A3GALT2: variants seen among roughly 807,000 people sequenced by gnomAD.
A3GALT2 encodes alpha 1,3-galactosyltransferase 2.
A neutral mutation model predicts 16.6 loss-of-function variants in A3GALT2; 14 were observed. The observed-to-expected ratio is 0.84, with a 90% CI of 0.56 to 1.32. A3GALT2 has a LOEUF of 1.32. Ranked by LOEUF, A3GALT2 falls within the 40% of genes most tolerant of loss-of-function variation. The probability of loss-of-function intolerance (pLI) is 0.00; values close to 1 mark genes in which losing one functional copy is unlikely to be tolerated. For synonymous variants in A3GALT2, 253 were observed against 218.0 expected, an observed-to-expected ratio of 1.16 and a Z score of -1.42; for missense variants, 600 against 490.9, an observed-to-expected ratio of 1.22 and a Z score of -2.10.
intron 4 of A3GALT2, among the ~76,000 whole-genome samples, chr1:33,310,557 C>CTATG (rs1646228735): frequency 6.6e-6 from 1 of 152,194 alleles, no homozygotes; most frequent in Non-Finnish European, 1.5e-5. Flanking sequence ...CCACTGCTTT[C>CTATG]TATGTCAATG....
intron 4 of A3GALT2, among the ~76,000 whole-genome samples, chr1:33,310,240 C>A (rs997799920): frequency 2.6e-5 from 4 of 152,064 alleles, no homozygotes; most frequent in African/African-American, 7.3e-5. Context: ...TGCAGTGAGC[C>A]GAGATGGCGG....
At chr1:33,308,460 C>T (rs530240600) in intron 4 of A3GALT2, among the ~76,000 whole-genome samples, 18 of 152,292 alleles carry the variant, frequency 1.2e-4, no homozygotes, top group Non-Finnish European at 1.9e-4. Context: ...GGCTGGAGTA[C>T]AGTGGCGCTA....
chr1:33,308,750 G>GTTTTGTTTTTTTTTTTT (rs1646216319), intron 4 of A3GALT2, among the ~76,000 whole-genome samples: 1 of 46,130 alleles, frequency 2.2e-5, no homozygotes, highest in African/African-American at 1.2e-4. Context: ...TGTCAAAGTT[G>GTTTTGTTTTTTTTTTTT]TTTTTTTTTT....
chr1:33,319,352 T>C (rs1646275265), intron 1 of A3GALT2, among the ~76,000 whole-genome samples: 1 of 152,150 alleles, frequency 6.6e-6, no homozygotes, highest in African/African-American at 2.4e-5. Context: ...GCAAGGGGGC[T>C]GGGCCAGGGT....
At chr1:33,318,131 A>C (rs554989249) in intron 1 of A3GALT2, among the ~76,000 whole-genome samples, 5 of 152,238 alleles carry the variant, frequency 3.3e-5, no homozygotes, top group Non-Finnish European at 7.3e-5. Context: ...GAGCCTTTGC[A>C]GTCACGTATA....
At position 33,312,150 on chromosome 1, in the gene A3GALT2, A is replaced by T. The variant is rs1423219561; in HGVS notation, c.237T>A (p.Ala79=). 6.2e-7 allele frequency: 1 copy of T among 1,613,384 alleles called. No individual in the cohort carries two copies. Among genetic ancestry groups the T allele is most frequent in the Non-Finnish European group, 8.5e-7 (1 of 1,179,818 alleles). Residue 79 remains alanine, a synonymous_variant, in exon 4 of 5, where the codon GCT becomes GCA. Coordinates refer to ENST00000442999, the MANE Select transcript of A3GALT2 (RefSeq NM_001080438.1). The stretch of plus-strand genomic sequence containing the variant: ...CGAAAGAGCCATCCCAAATAATGGG[A>T]GCCCCCCAGGGGGTACAGGTCAGAA... The part of the protein sequence containing the change: ...PEVLTCTPWG[A]PIIWDGSFDP...
rs545688298 is a variant in A3GALT2, at chr1:33,307,279, T to C, written c.510A>G (p.Gln170=). 327 of 1,428,464 alleles carry C rather than the reference T, an allele frequency of 2.3e-4. 2 individuals are homozygous for C. In the African/African-American group the frequency reaches 3.8e-3, roughly 17 times the overall value. 88.5% of individuals were successfully genotyped at this position (1,428,464 alleles called of 1,614,324 possible). The change falls in exon 5 of 5, where the codon CAA becomes CAG. Residue 170 remains glutamine, a synonymous_variant. Transcript: ENST00000442999. ...VERVARERRW[Q]DVSMARMRTL... ...TGCGCATGCGCGCCATCGACACGTC[T>C]TGCCAGCGCCGCTCGCGCGCCACGC... is the stretch of plus-strand genomic sequence containing the variant.
intron 4 of A3GALT2, among the ~76,000 whole-genome samples, chr1:33,308,756 T>G (rs977345046): frequency 5.2e-5 from 5 of 95,384 alleles, no homozygotes; most frequent in Admixed American, 2.7e-4. Context: ...AGTTGTTTTT[T>G]TTTTTTTTTT....
chr1:33,306,848 C>T lies in A3GALT2; in HGVS notation c.941G>A (p.Ser314Asn). ...CTCGGCCCGCGGGCCGATGTCCGGG[C>T]TCCAGCAGAACTCGGGCGACAGCAC... is the stretch of plus-strand genomic sequence containing the variant. The part of the protein sequence containing the change: ...AKVLSPEFCW[S>N]PDIGPRAEIR... Residue 314 changes from serine (S) to asparagine (N), a missense_variant, in exon 5 of 5, where the codon AGC (serine) becomes AAC (asparagine). Transcript: ENST00000442999. 1 of 1,509,770 alleles carries T rather than the reference C, an allele frequency of 6.6e-7. No homozygotes were observed. Among genetic ancestry groups the T allele is most frequent in the Non-Finnish European group, 8.8e-7 (1 of 1,135,294 alleles). 93.5% of individuals were successfully genotyped at this position (1,509,770 alleles called of 1,614,324 possible). A position where few individuals can be genotyped will look rare whatever the true frequency, so the allele number is the denominator to read the frequency against.
chr1:33,312,554 A>C lies in A3GALT2; in HGVS notation c.144T>G (p.Pro48=). 6.2e-7 allele frequency: 1 copy of C among 1,602,174 alleles called. No individual in the cohort carries two copies. Among genetic ancestry groups the C allele is most frequent in the Non-Finnish European group, 8.5e-7 (1 of 1,173,730 alleles). The change falls in exon 3 of 5, where the codon CCT becomes CCG. Residue 48 remains proline, a synonymous_variant. Coordinates refer to ENST00000442999, the MANE Select transcript of A3GALT2 (RefSeq NM_001080438.1). ...LEALIPMGVC[P]SATMSQLRDN... ...CTCTCAGCTGGGACATTGTGGCCGA[A>C]GGGCAGACGCCCATGGGGATGAGGG...
Position 33,307,229 on chromosome 1 carries a change from A to G in A3GALT2, c.560T>C (p.Leu187Pro), listed in dbSNP as rs1646198998. The G allele has an allele frequency of 6.7e-7, 1 of 1,493,260 alleles. No individual in the cohort carries two copies. 92.5% of individuals were successfully genotyped at this position (1,493,260 alleles called of 1,614,324 possible). The change falls in exon 5 of 5, where the codon CTG becomes CCG. Residue 187 changes from leucine (L) to proline (P), a missense_variant. Coordinates refer to ENST00000442999, the MANE Select transcript of A3GALT2 (RefSeq NM_001080438.1). The stretch of plus-strand genomic sequence containing the variant: ...CATGAAGTGCGCCTCGCGGCCCGGC[A>G]GCCCGCCCAGCGCCGCGTGCAACGT... The part of the protein sequence containing the change: ...MRTLHAALGG[L>P]PGREAHFMFC...
In A3GALT2 at chr1:33,320,871, G is replaced by A. The variant is rs753282985; in HGVS notation, c.23+205C>T. Among the ~76,000 whole-genome samples, 2 of 151,858 alleles carry A rather than the reference G, an allele frequency of 1.3e-5. No individual in the cohort carries two copies. The highest frequency in any genetic ancestry group is 6.6e-5 in the Admixed American group (1 of 15,066). ...TGTGGAATACAACCTCCCCCACCCC[G>A]GTGTCCATGCACACGGATTGTCTTT... On this transcript the variant is annotated intron_variant, in intron 1 of 4. Transcript: ENST00000442999. This position sits in a 1 kb window ranked among gnomAD's most constrained non-coding sequence, Gnocchi z 4.3.
Position 33,307,063 on chromosome 1 carries a change from G to A in A3GALT2, c.726C>T (p.Ala242=). 2 of 1,516,864 alleles carry A rather than the reference G, an allele frequency of 1.3e-6. No individual in the cohort carries two copies. The highest frequency in any genetic ancestry group is 1.8e-6 in the Non-Finnish European group (2 of 1,135,464). 94.0% of individuals were successfully genotyped at this position (1,516,864 alleles called of 1,614,324 possible). A position where few individuals can be genotyped will look rare whatever the true frequency, so the allele number is the denominator to read the frequency against. Residue 242 remains alanine, a synonymous_variant, in exon 5 of 5, where the codon GCC becomes GCT. Coordinates refer to ENST00000442999, the MANE Select transcript of A3GALT2 (RefSeq NM_001080438.1). ...AGTCGCCCTGGCCCCACGCCATCGCGGCGGCCGAATGCGCGTCGCGTTCGA... is the reference window on the plus strand; with the variant it reads ...AGTCGCCCTGGCCCCACGCCATCGCAGCGGCCGAATGCGCGTCGCGTTCGA... The part of the protein sequence containing the change: ...LPFERDAHSA[A]AMAWGQGDFY...
chr1:33,309,632 G>A lies in A3GALT2; in HGVS notation c.336-2179C>T, dbSNP rs563500363. Among the ~76,000 whole-genome samples the A allele has an allele frequency of 4.6e-4, 70 of 151,406 alleles. 1 individual carries two copies. Among genetic ancestry groups the A allele is most frequent in the African/African-American group, 1.6e-3 (66 of 41,240 alleles). On this transcript the variant is annotated intron_variant, in intron 4 of 4. Coordinates refer to ENST00000442999, the MANE Select transcript of A3GALT2 (RefSeq NM_001080438.1). ...CTCCTCACCTCCCAGACGGGGTGGC[G>A]GTCGGGCAGAGACGCTCCTCAGTTC...
At chr1:33,312,708 G>A (rs2148160573) in intron 2 of A3GALT2, 99 bp downstream of exon 2, 1 of 1,433,352 alleles carries the variant, frequency 7.0e-7, no homozygotes, top group Non-Finnish European at 9.7e-7. Flanking sequence ...CTTGAGCTGA[G>A]TTAGCCACTG....
rs757978272 is a variant in A3GALT2 at position 33,306,805 on chromosome 1, C to T, written c.984G>A (p.Leu328=). ...GCCGGTACCCCTTGGGCGCCCACAG[C>T]AGTCGCGGGCGGCGGATCTCGGCCC... The part of the protein sequence containing the change: ...GPRAEIRRPR[L]LWAPKGYRLL... Residue 328 remains leucine, a synonymous_variant, in exon 5 of 5, where the codon CTG becomes CTA. Transcript: ENST00000442999. The T allele has an allele frequency of 2.0e-6, 3 of 1,463,982 alleles. No individual in the cohort carries two copies. The South Asian group carries it at 3.9e-5, about 19-fold the overall frequency. 90.7% of individuals were successfully genotyped at this position (1,463,982 alleles called of 1,614,324 possible).
chr1:33,312,987 A>G, intron 1 of A3GALT2, 97 bp from the exon 2 acceptor site: 1 of 1,045,264 alleles, frequency 9.6e-7, no homozygotes, highest in East Asian at 2.6e-5. Context: ...ACTTCCAGCC[A>G]GCTGGTTCTT....
At position 33,312,058 on chromosome 1, in the gene A3GALT2, A is replaced by G. The variant is rs527609422; in HGVS notation, c.329T>C (p.Val110Ala). Residue 110 changes from valine (V) to alanine (A), a missense_variant, in exon 4 of 5, where the codon GTA becomes GCA. Physicochemically the swap from Val to Ala is moderately conservative, Grantham distance 64. Coordinates refer to ENST00000442999, the MANE Select transcript of A3GALT2 (RefSeq NM_001080438.1). ...NLTIGLTIFA[V>A]GRYLEKYLER... Reference sequence around the variant, plus strand: ...TCCCCTTCCCAGGCCTTACCTGCCTACAGCAAAGATAGTCAGCCCAATGGT... The same window carrying G: ...TCCCCTTCCCAGGCCTTACCTGCCTGCAGCAAAGATAGTCAGCCCAATGGT... 1.2e-6 allele frequency: 2 copies of G among 1,613,562 alleles called. No individual in the cohort carries two copies. The highest frequency in any genetic ancestry group is 2.2e-5 in the East Asian group (1 of 44,880).
intron 4 of A3GALT2, among the ~76,000 whole-genome samples, chr1:33,310,435 A>G (rs1257085393): frequency 2.0e-5 from 3 of 152,226 alleles, no homozygotes; most frequent in Non-Finnish European, 2.9e-5. Flanking sequence ...GTCTTTCACT[A>G]TATAGATAAC....
Sources: gnomAD v4.1 joint callset for allele counts (sites outside exome capture counted in the v4.1 genomes callset) on GRCh38, gnomAD v4.1.1 for gene constraint, Gnocchi (gnomAD v3.1) non-coding constraint, MANE v1.5 for transcripts, NCBI Gene and HGNC (gene_info 2026-07-23, HGNC 2026-07-21) for gene names.